SETD5: variants seen among roughly 807,000 people sequenced by gnomAD.
SETD5 encodes the protein SET domain containing 5.
In SETD5, 44 loss-of-function variants were observed where a neutral mutation model predicts 153.3. The observed-to-expected ratio is 0.29, with a 90% CI of 0.23 to 0.37. The LOEUF (loss-of-function observed/expected upper bound fraction) is 0.37. SETD5 is among the 10% of genes least tolerant of loss of function. SETD5 has a pLI of 1.00. For synonymous variants in SETD5, 716 were observed against 645.2 expected (o/e 1.11, Z -1.66); for missense variants, 1,544 against 1,768.0 (o/e 0.87, Z 2.27).
At position 9,447,170 on chromosome 3, in the gene SETD5, A is replaced by G. The variant is rs751840662; in HGVS notation, c.1645A>G (p.Thr549Ala). ...CTCTGATGTAGAGATTACTACAACC[A>G]CCTCAGAGACTCCTGTTGGTGAAGA... Reference protein sequence around the residue: ...SNSDVEITTTTSETPVGEETK... With the variant: ...SNSDVEITTTASETPVGEETK... Residue 549 changes from threonine (T) to alanine (A), a missense_variant, in exon 14 of 23, where the codon ACC (threonine) becomes GCC (alanine). Physicochemically the swap from Thr to Ala is moderately conservative, Grantham distance 58 (BLOSUM62 0). Around this residue, in one of 9 missense-constraint regions of SETD5, gnomAD observed 782 missense variants for 787.2 expected, o/e 0.99. Transcript: ENST00000402198. 9 of 1,613,994 alleles carry G rather than the reference A, an allele frequency of 5.6e-6. No homozygotes were observed. Among genetic ancestry groups the G allele is most frequent in the Non-Finnish European group, 7.6e-6 (9 of 1,179,892 alleles).
intron 7 of SETD5, among the ~76,000 whole-genome samples, chr3:9,439,261 CT>C: frequency 6.6e-6 from 1 of 152,210 alleles, no homozygotes; most frequent in Middle Eastern, 3.4e-3. Context: ...ATTGTTCAGT[CT>C]TTTGGACTCT....
chr3:9,460,454 AT>A (rs1328303494), intron 17 of SETD5, among the ~76,000 whole-genome samples: 1 of 149,174 alleles, frequency 6.7e-6, no homozygotes, highest in Non-Finnish European at 1.5e-5. Flanking sequence ...TTTTAATAGT[AT>A]GAGCATGGTC....
At chr3:9,458,574 C>T (rs369798027) in intron 17 of SETD5, among the ~76,000 whole-genome samples, 2 of 152,190 alleles carry the variant, frequency 1.3e-5, no homozygotes, top group African/African-American at 4.8e-5. Context: ...AATGCCACTG[C>T]GTTCCAGCCT....
At chr3:9,462,105 T>C (rs1434706411) in intron 17 of SETD5, among the ~76,000 whole-genome samples, 1 of 152,190 alleles carries the variant, frequency 6.6e-6, no homozygotes, top group Non-Finnish European at 1.5e-5. Context: ...CTACCCTAGT[T>C]TAGTGCCTCA....
chr3:9,402,990 A>G (rs776501833), intron 1 of SETD5, among the ~76,000 whole-genome samples: 2 of 152,202 alleles, frequency 1.3e-5, no homozygotes, highest in Non-Finnish European at 2.9e-5. Flanking sequence ...AGGCCTGTCA[A>G]TATGGCCAAA....
intron 3 of SETD5, chr3:9,430,374 A>T: frequency 1.0e-6 from 1 of 960,448 alleles, no homozygotes; most frequent in Non-Finnish European, 1.2e-6. Context: ...AAAAGGAGAA[A>T]GGAGGGTTGG....
intron 16 of SETD5, among the ~76,000 whole-genome samples, chr3:9,452,709 C>G (rs975228433): frequency 1.1e-5 from 1 of 89,702 alleles, no homozygotes; most frequent in African/African-American, 5.1e-5. Context: ...GGATTGTTTC[C>G]TAGGTTTCTA....
rs903600741 is a variant in SETD5, at chr3:9,455,168, CTTTTTTT to C, written c.2476+1316_2476+1322del. 9.0e-3 allele frequency among the ~76,000 whole-genome samples: 899 copies of C among 99,894 alleles called. 6 individuals carry two copies. Among genetic ancestry groups the C allele is most frequent in the Middle Eastern group, 0.048 (8 of 166 alleles). 65.5% of individuals were successfully genotyped at this position (99,894 alleles called of 152,430 possible). On this transcript the variant is annotated intron_variant, in intron 17 of 22. Coordinates refer to ENST00000402198, the MANE Select transcript of SETD5 (RefSeq NM_001080517.3). Reference sequence around the variant, plus strand: ...GTGAATTGCCTTTTTTTCTTTTTTTCTTTTTTTTTTTTTTTTTTTTTTGAAATGGAGA... The same window carrying C: ...GTGAATTGCCTTTTTTTCTTTTTTTCTTTTTTTTTTTTTTTGAAATGGAGA...
chr3:9,402,214 G>A (rs1274377847), intron 1 of SETD5, among the ~76,000 whole-genome samples: 2 of 152,098 alleles, frequency 1.3e-5, no homozygotes, highest in Non-Finnish European at 2.9e-5. Context: ...TTGGGGGGAG[G>A]TGCTGTTAGA....
At chr3:9,433,992 G>A in intron 4 of SETD5, 42 bp downstream of exon 4, 1 of 1,613,094 alleles carries the variant, frequency 6.2e-7, no homozygotes, top group Middle Eastern at 1.7e-4. Flanking sequence ...TGATCTTCCT[G>A]GAGTGTAATC....
At chr3:9,459,606 T>C (rs1398214564) in intron 17 of SETD5, among the ~76,000 whole-genome samples, 2 of 137,376 alleles carry the variant, frequency 1.5e-5, no homozygotes, top group African/African-American at 5.6e-5. Context: ...CCGTCTCTAC[T>C]AAAAATACAA....
chr3:9,418,574 A>C (rs1181110609), intron 1 of SETD5, among the ~76,000 whole-genome samples: 1 of 152,024 alleles, frequency 6.6e-6, no homozygotes, highest in African/African-American at 2.4e-5. Context: ...AGGCTGAAGC[A>C]GGCAGATCAC....
rs867496023 is a variant in SETD5, at chr3:9,478,012, T to C, written c.*1921T>C. ...TCTTGGGGGGGTAGGGGCGGGGGGG[T>C]GGGGGGAACTCTTGGAAGGGAAGAA... On this transcript the variant is annotated 3_prime_UTR_variant, in exon 23 of 23. Coordinates refer to ENST00000402198, the MANE Select transcript of SETD5 (RefSeq NM_001080517.3). 1 of 44,280 alleles carries C rather than the reference T, an allele frequency of 2.3e-5. No homozygotes were observed. Among genetic ancestry groups the C allele is most frequent in the Non-Finnish European group, 4.6e-5 (1 of 21,742 alleles). The allele number at this position is 44,280 out of a possible 1,614,324, so 2.7% of individuals were successfully genotyped here.
intron 21 of SETD5, 59 bp downstream of exon 21, chr3:9,474,641 C>T (rs931806904): frequency 2.5e-6 from 4 of 1,588,644 alleles, no homozygotes; most frequent in African/African-American, 2.7e-5. Context: ...GAGTCCTGTA[C>T]AGTTCATGCC....
intron 21 of SETD5, 72 bp from the exon 22 acceptor site, chr3:9,474,996 A>G: frequency 7.3e-7 from 1 of 1,378,940 alleles, no homozygotes; most frequent in Non-Finnish European, 1.0e-6. Context: ...TGGTGATTTA[A>G]ATGAAAAATG....
Position 9,475,052 on chromosome 3 carries a change from A to G in SETD5, c.3632-16A>G, listed in dbSNP as rs762745061. ...AGAAGCCAAGTTGATTTTTTTTTAT[A>G]TATGTTACCTTCCAGACCCTGCAGA... is the stretch of plus-strand genomic sequence containing the variant. On this transcript the variant is annotated splice_polypyrimidine_tract_variant and intron_variant, in intron 21 of 22. Coordinates refer to ENST00000402198, the MANE Select transcript of SETD5 (RefSeq NM_001080517.3). 5.1e-6 allele frequency: 8 copies of G among 1,554,518 alleles called. No homozygotes were observed. The East Asian group carries it at 1.2e-4, about 23-fold the overall frequency.
intron 18 of SETD5, among the ~76,000 whole-genome samples, chr3:9,468,843 C>T (rs552369294): frequency 6.6e-6 from 1 of 150,972 alleles, no homozygotes; most frequent in African/African-American, 2.4e-5. Flanking sequence ...TGGTTTTTGC[C>T]GTTTGGGGGA....
intron 17 of SETD5, among the ~76,000 whole-genome samples, chr3:9,455,168 CTTTT>C (rs903600741): frequency 1.0e-5 from 1 of 99,916 alleles, no homozygotes; most frequent in African/African-American, 4.0e-5. Flanking sequence ...TTCTTTTTTT[CTTTT>C]TTTTTTTTTT....
At chr3:9,468,669 T>A (rs1327602399) in intron 18 of SETD5, 33 of 1,160,720 alleles carry the variant, frequency 2.8e-5, no homozygotes, top group Non-Finnish European at 9.3e-6. Context: ...GGGATCTGAG[T>A]CAGTGGGGTG....
Sources: allele counts gnomAD v4.1 joint callset (sites outside exome capture counted in the v4.1 genomes callset), GRCh38; gene constraint gnomAD v4.1.1; regional missense constraint gnomAD v4.1.1; transcripts MANE v1.5; gene names NCBI Gene and HGNC (gene_info 2026-07-23, HGNC 2026-07-21).